RANBP17: variants seen among roughly 807,000 people sequenced by gnomAD.
RANBP17 encodes RAN binding protein 17.
A neutral mutation model predicts 141.2 loss-of-function variants in RANBP17; 158 were observed. The ratio of observed to expected loss-of-function variants is 1.12; its 90% CI spans 0.98 to 1.28. RANBP17 has a LOEUF of 1.28. Among genes scored for constraint, RANBP17 ranks in the 50% most tolerant of loss-of-function variants. The pLI is 0.00. For missense variants in RANBP17, 1,438 were observed against 1,290.7 expected (o/e 1.11, Z -1.75); for synonymous variants, 430 against 450.0 (o/e 0.96, Z 0.56).
At chr5:171,097,305 A>G (rs1786763739) in intron 14 of RANBP17, among the ~76,000 whole-genome samples, 1 of 152,168 alleles carries the variant, frequency 6.6e-6, no homozygotes, top group South Asian at 2.1e-4. Flanking sequence ...TTGGAAAGCA[A>G]ATAGTGGTCA....
chr5:171,251,423 G>A (rs750627118), intron 24 of RANBP17, among the ~76,000 whole-genome samples: 2 of 151,472 alleles, frequency 1.3e-5, no homozygotes, highest in Non-Finnish European at 2.9e-5. Context: ...TATCTTCTCA[G>A]ACCACAGTGG....
At chr5:171,000,223 G>A (rs1041190271) in intron 14 of RANBP17, among the ~76,000 whole-genome samples, 15 of 152,102 alleles carry the variant, frequency 9.9e-5, no homozygotes, top group Admixed American at 7.2e-4. Flanking sequence ...ATATCTCTTC[G>A]AGACCCTGCT....
intron 21 of RANBP17, 50 bp downstream of exon 21, chr5:171,213,788 T>C (rs755402509): frequency 7.6e-7 from 1 of 1,312,622 alleles, no homozygotes. Flanking sequence ...TTAGCGGAAA[T>C]CTCCAACAGT....
intron 24 of RANBP17, among the ~76,000 whole-genome samples, chr5:171,262,934 T>TCAAAACTTGCCC (rs1362003852): frequency 1.3e-5 from 2 of 152,206 alleles, no homozygotes; most frequent in African/African-American, 4.8e-5. Context: ...CGACTGTATT[T>TCAAAACTTGCCC]CAAAACTTGC....
At chr5:171,089,753 C>T (rs1043057005) in intron 14 of RANBP17, among the ~76,000 whole-genome samples, 5 of 152,038 alleles carry the variant, frequency 3.3e-5, no homozygotes, top group African/African-American at 7.2e-5. Flanking sequence ...TTCTTTGACT[C>T]GGAAAGGGAA....
intron 12 of RANBP17, among the ~76,000 whole-genome samples, chr5:170,934,158 C>A (rs1367789394): frequency 6.6e-6 from 1 of 152,178 alleles, no homozygotes; most frequent in African/African-American, 2.4e-5. Context: ...GATCCCTTTA[C>A]CATTACGTAA....
intron 14 of RANBP17, among the ~76,000 whole-genome samples, chr5:171,052,223 G>A (rs532505210): frequency 1.3e-5 from 2 of 151,934 alleles, no homozygotes; most frequent in Non-Finnish European, 2.9e-5. Context: ...CTTTTTTGAC[G>A]ATATTCTTTG....
At chr5:171,250,449 CAATT>C (rs1460154514) in intron 24 of RANBP17, among the ~76,000 whole-genome samples, 1 of 151,992 alleles carries the variant, frequency 6.6e-6, no homozygotes, top group African/African-American at 2.4e-5. Flanking sequence ...AACCAGAAAA[CAATT>C]AACAATATGA....
At chr5:170,988,281 T>A (rs1227300609) in intron 14 of RANBP17, among the ~76,000 whole-genome samples, 1 of 150,988 alleles carries the variant, frequency 6.6e-6, no homozygotes, top group Non-Finnish European at 1.5e-5. Context: ...TATAGTTTGA[T>A]GATTGATTTT....
At chr5:171,186,047 A>C (rs1014422764) in intron 18 of RANBP17, among the ~76,000 whole-genome samples, 8 of 152,180 alleles carry the variant, frequency 5.3e-5, no homozygotes, top group Non-Finnish European at 1.2e-4. Context: ...CAGGCAGAGT[A>C]GATTTTAGCA....
chr5:171,121,730 A>G (rs1457889546), intron 14 of RANBP17, among the ~76,000 whole-genome samples: 1 of 152,102 alleles, frequency 6.6e-6, no homozygotes, highest in Non-Finnish European at 1.5e-5. Context: ...GCTCCATGCA[A>G]CTAGGTTTGT....
At chr5:170,956,087 G>T (rs1197401726) in intron 13 of RANBP17, among the ~76,000 whole-genome samples, 3 of 150,884 alleles carry the variant, frequency 2.0e-5, no homozygotes, top group Admixed American at 6.6e-5. Context: ...AATATATCTT[G>T]ATATTTGGTT....
At chr5:171,111,819 C>T (rs1755253005) in intron 14 of RANBP17, among the ~76,000 whole-genome samples, 1 of 152,154 alleles carries the variant, frequency 6.6e-6, no homozygotes, top group Admixed American at 6.5e-5. Context: ...ATTTATCATA[C>T]TTTATGGTAA....
intron 11 of RANBP17, among the ~76,000 whole-genome samples, chr5:170,920,228 A>G (rs1027877303): frequency 1.2e-4 from 18 of 152,150 alleles, no homozygotes; most frequent in African/African-American, 3.9e-4. Flanking sequence ...TTTACTTCGT[A>G]AAAGCTGCCG....
Position 171,039,245 on chromosome 5 carries a change from G to GTT in RANBP17, c.1710+70885_1710+70886dup, listed in dbSNP as rs57258448. On this transcript the variant is annotated intron_variant, in intron 14 of 27. Coordinates refer to ENST00000523189, the MANE Select transcript of RANBP17 (RefSeq NM_022897.5). The stretch of plus-strand genomic sequence containing the variant: ...ATAGCCTTGCTAGCTTCTGTTGTTG[G>GTT]TTTTTTTTTTTTTTTTTTGCTTTTT... Among the ~76,000 whole-genome samples the GTT allele has an allele frequency of 3.8e-3, 481 of 125,388 alleles. 6 individuals carry two copies. Among genetic ancestry groups the GTT allele is most frequent in the African/African-American group, 0.014 (459 of 33,558 alleles). 82.3% of individuals were successfully genotyped at this position (125,388 alleles called of 152,430 possible).
intron 14 of RANBP17, among the ~76,000 whole-genome samples, chr5:171,122,245 C>A (rs893767561): frequency 6.6e-6 from 1 of 152,210 alleles, no homozygotes; most frequent in African/African-American, 2.4e-5. Flanking sequence ...TTTCATCACT[C>A]CAGTCAAATC....
intron 24 of RANBP17, chr5:171,252,192 A>G: frequency 6.3e-7 from 1 of 1,581,110 alleles, no homozygotes; most frequent in Non-Finnish European, 8.7e-7. Flanking sequence ...TCCCCCATGA[A>G]TTCTTAAATT....
intron 14 of RANBP17, among the ~76,000 whole-genome samples, chr5:171,060,659 A>G (rs1425255873): frequency 6.6e-6 from 1 of 152,120 alleles, no homozygotes. Context: ...CTTTGGTATC[A>G]GGATGATGCT....
At chr5:171,236,193 A>G (rs761728505) in intron 22 of RANBP17, among the ~76,000 whole-genome samples, 21 of 152,232 alleles carry the variant, frequency 1.4e-4, no homozygotes, top group Non-Finnish European at 2.8e-4. Context: ...CCTTCCAATG[A>G]TAAGTGAAGA....
Sources: allele counts gnomAD v4.1 joint callset (sites outside exome capture counted in the v4.1 genomes callset), GRCh38; gene constraint gnomAD v4.1.1; transcripts MANE v1.5; gene names NCBI Gene and HGNC (gene_info 2026-07-23, HGNC 2026-07-21).